EPC1: variants seen among roughly 807,000 people sequenced by gnomAD.
EPC1 encodes the protein enhancer of polycomb homolog 1.
In EPC1, 12 loss-of-function variants were observed where a neutral mutation model predicts 98.4. That is an observed-to-expected ratio of 0.12 (90% CI 0.08 to 0.20). EPC1 has a LOEUF of 0.20. Among genes scored for constraint, EPC1 ranks in the 10% least tolerant of loss-of-function variants. The probability of loss-of-function intolerance (pLI) is 1.00; values close to 1 mark genes in which losing one functional copy is unlikely to be tolerated. For synonymous variants in EPC1, 357 were observed against 363.9 expected (o/e 0.98, Z 0.21); for missense variants, 729 against 990.5 (o/e 0.74, Z 3.54).
At chr10:32,298,972 AG>A (rs1835334895) in intron 2 of EPC1, among the ~76,000 whole-genome samples, 1 of 152,192 alleles carries the variant, frequency 6.6e-6, no homozygotes, top group African/African-American at 2.4e-5. Flanking sequence ...AACTTTACTT[AG>A]AAGTCAAAAC....
In EPC1 at chr10:32,268,027, A is replaced by C. The variant is rs935777528; in HGVS notation, c.*1036T>G. 1 of 152,210 alleles carries C rather than the reference A, an allele frequency of 6.6e-6. No homozygotes were observed. Among genetic ancestry groups the C allele is most frequent in the Non-Finnish European group, 1.5e-5 (1 of 68,034 alleles). The allele number at this position is 152,210 out of a possible 1,614,324, so 9.4% of individuals were successfully genotyped here. A position where few individuals can be genotyped will look rare whatever the true frequency, so the allele number is the denominator to read the frequency against. ...AAAAAAGCTGGCTGGCTGTTTTTAGAAACTGGAATGATGATACACGTACAG... is the reference window on the plus strand; with the variant it reads ...AAAAAAGCTGGCTGGCTGTTTTTAGCAACTGGAATGATGATACACGTACAG... On this transcript the variant is annotated 3_prime_UTR_variant, in exon 14 of 14. Transcript: ENST00000319778.
chr10:32,374,669 T>A lies in EPC1; in HGVS notation c.3+3822A>T, dbSNP rs1038608855. ...TAAACAGATCTAAATTAAAAAAATATTTTTTTTCTAAAAATATTATTTGGC... is the reference window on the plus strand; with the variant it reads ...TAAACAGATCTAAATTAAAAAAATAATTTTTTTCTAAAAATATTATTTGGC... On this transcript the variant is annotated intron_variant, in intron 1 of 13. Coordinates refer to the EPC1 transcript ENST00000375110. Among the ~76,000 whole-genome samples the A allele has an allele frequency of 1.2e-4, 18 of 151,970 alleles. No individual in the cohort carries two copies. The South Asian group carries it at 3.7e-3, about 32-fold the overall frequency.
intron 1 of EPC1, among the ~76,000 whole-genome samples, chr10:32,325,248 G>A (rs1295254499): frequency 6.6e-6 from 1 of 152,158 alleles, no homozygotes; most frequent in Admixed American, 6.5e-5. Flanking sequence ...AAAAAGAAAA[G>A]TGTGTATTAC....
chr10:32,343,715 T>G (rs1838540683), intron 1 of EPC1, among the ~76,000 whole-genome samples: 1 of 150,584 alleles, frequency 6.6e-6, no homozygotes, highest in Non-Finnish European at 1.5e-5. Context: ...TGTAAGGGCT[T>G]CTACTTAAAG....
chr10:32,366,332 T>G (rs1330426833), intron 1 of EPC1, among the ~76,000 whole-genome samples: 1 of 152,146 alleles, frequency 6.6e-6, no homozygotes, highest in Non-Finnish European at 1.5e-5. Context: ...TTACTTCCTA[T>G]AAACACAAGC....
chr10:32,375,854 T>C (rs1436173480), intron 1 of EPC1, among the ~76,000 whole-genome samples: 1 of 151,894 alleles, frequency 6.6e-6, no homozygotes, highest in East Asian at 1.9e-4. Context: ...ACTGAGTTAG[T>C]TCTCTATCTG....
chr10:32,316,046 T>C (rs1019515278), intron 1 of EPC1, among the ~76,000 whole-genome samples: 1 of 152,204 alleles, frequency 6.6e-6, no homozygotes, highest in Non-Finnish European at 1.5e-5. Flanking sequence ...TCATACTGGA[T>C]TCCTTACTGT....
chr10:32,340,829 C>CAA (rs5784283), intron 1 of EPC1, among the ~76,000 whole-genome samples: 19 of 150,414 alleles, frequency 1.3e-4, no homozygotes, highest in African/African-American at 2.4e-4. Context: ...GACTTTGACT[C>CAA]AAAAAAAAAC....
At chr10:32,346,274 C>A (rs1838797469) in intron 1 of EPC1, among the ~76,000 whole-genome samples, 1 of 152,222 alleles carries the variant, frequency 6.6e-6, no homozygotes, top group South Asian at 2.1e-4. Flanking sequence ...AATTCCCCGA[C>A]TGTGCACAGA....
intron 1 of EPC1, among the ~76,000 whole-genome samples, chr10:32,374,755 C>A (rs1477407354): frequency 6.6e-6 from 1 of 152,068 alleles, no homozygotes; most frequent in Non-Finnish European, 1.5e-5. Context: ...AGAACTCTAA[C>A]CACATTGGAG....
At chr10:32,307,857 G>A (rs1042440045) in intron 1 of EPC1, among the ~76,000 whole-genome samples, 3 of 152,184 alleles carry the variant, frequency 2.0e-5, no homozygotes, top group African/African-American at 2.4e-5. Flanking sequence ...AGCAAGACAC[G>A]TGATTCATAG....
chr10:32,324,640 T>G (rs1837154655), intron 1 of EPC1, among the ~76,000 whole-genome samples: 2 of 152,098 alleles, frequency 1.3e-5, no homozygotes. Flanking sequence ...CCTTGTGTTT[T>G]CTTAAAAGAT....
At chr10:32,291,371 C>T (rs1482613270) in intron 5 of EPC1, 49 bp from the exon 6 acceptor site, 3 of 1,412,502 alleles carry the variant, frequency 2.1e-6, no homozygotes, top group South Asian at 1.3e-5. Flanking sequence ...TTAAGGAATA[C>T]AATGTGATGT....
chr10:32,293,518 TCA>T, intron 3 of EPC1, 72 bp downstream of exon 3: 1 of 1,412,522 alleles, frequency 7.1e-7, no homozygotes, highest in Non-Finnish European at 9.6e-7. Context: ...ACCTGCAATC[TCA>T]CACTCTTTCC....
At chr10:32,347,273 C>T (rs1423166217), upstream of EPC1, 13 of 1,011,174 alleles carry the variant, frequency 1.3e-5, no homozygotes, top group Admixed American at 3.4e-4. Flanking sequence ...AGCGCGCGTC[C>T]CGCCAACCCC....
At chr10:32,273,388 C>G in intron 10 of EPC1, 107 bp from the exon 11 acceptor site, 2 of 1,367,866 alleles carry the variant, frequency 1.5e-6, no homozygotes, top group Non-Finnish European at 2.0e-6. Context: ...ATTGAAGCAT[C>G]TGACAAAGGA....
At chr10:32,311,259 G>C (rs970135352) in intron 1 of EPC1, among the ~76,000 whole-genome samples, 3 of 151,642 alleles carry the variant, frequency 2.0e-5, no homozygotes, top group Non-Finnish European at 4.4e-5. Context: ...CTTGCAGTGA[G>C]CCGAGATTGC....
At chr10:32,366,493 T>C (rs1319798116) in intron 1 of EPC1, among the ~76,000 whole-genome samples, 2 of 152,228 alleles carry the variant, frequency 1.3e-5, no homozygotes, top group Non-Finnish European at 2.9e-5. Context: ...TCAATTATGA[T>C]ATTGAAGAAT....
At position 32,354,960 on chromosome 10, in the gene EPC1, C is replaced by T. The variant is rs555060074; in HGVS notation, c.3+23531G>A. Among the ~76,000 whole-genome samples, 3 of 152,304 alleles carry T rather than the reference C, an allele frequency of 2.0e-5. No individual in the cohort carries two copies. The East Asian group carries it at 5.8e-4, about 29-fold the overall frequency. On this transcript the variant is annotated intron_variant, in intron 1 of 13. Transcript: ENST00000375110. ...CTGTCTAGTTGCAGGAAAACAAGCT[C>T]AGGGCTCCCACTGATTCTACATTAT...
Sources: gnomAD v4.1 joint callset for allele counts (sites outside exome capture counted in the v4.1 genomes callset) on GRCh38, gnomAD v4.1.1 for gene constraint, MANE v1.5 for transcripts, NCBI Gene and HGNC (gene_info 2026-07-23, HGNC 2026-07-21) for gene names.